Variants in CARMIL1 observed in about 807,000 individuals in gnomAD.
The protein encoded by CARMIL1 is F-actin-uncapping protein LRRC16A.
Under a neutral mutation model 177.1 loss-of-function variants are expected in CARMIL1, and 90 were observed. That is an observed-to-expected ratio of 0.51 (90% CI 0.43 to 0.61). The LOEUF (loss-of-function observed/expected upper bound fraction) is 0.61. CARMIL1 is among the 20% of genes least tolerant of loss of function. The probability of loss-of-function intolerance (pLI) is 0.00; values close to 1 mark genes in which losing one functional copy is unlikely to be tolerated. For missense variants in CARMIL1, 1,380 were observed against 1,667.0 expected (o/e 0.83, Z 3.00); for synonymous variants, 577 against 606.2 (o/e 0.95, Z 0.71).
At chr6:25,466,867 A>G (rs1026246221) in intron 9 of CARMIL1, among the ~76,000 whole-genome samples, 2 of 152,168 alleles carry the variant, frequency 1.3e-5, no homozygotes, top group Non-Finnish European at 2.9e-5. Flanking sequence ...AGGAAAATGC[A>G]TGAACTTGGA....
At chr6:25,400,513 A>G (rs1008257185) in intron 2 of CARMIL1, among the ~76,000 whole-genome samples, 1 of 152,202 alleles carries the variant, frequency 6.6e-6, no homozygotes, top group Non-Finnish European at 1.5e-5. Flanking sequence ...TCTATAGATG[A>G]GAAATAGATT....
chr6:25,500,266 T>C (rs1173718385), intron 17 of CARMIL1, 31 bp downstream of exon 17: 1 of 1,583,916 alleles, frequency 6.3e-7, no homozygotes, highest in East Asian at 2.2e-5. Flanking sequence ...TATACTGGAA[T>C]AGATAATAGC....
intron 11 of CARMIL1, among the ~76,000 whole-genome samples, chr6:25,480,876 A>G (rs1582097305): frequency 6.7e-6 from 1 of 150,342 alleles, no homozygotes; most frequent in Non-Finnish European, 1.5e-5. Context: ...GCCCGCCACC[A>G]CGCCCGGCTA....
intron 5 of CARMIL1, among the ~76,000 whole-genome samples, chr6:25,439,176 G>A (rs1462130862): frequency 1.3e-5 from 2 of 150,416 alleles, no homozygotes; most frequent in African/African-American, 4.9e-5. Flanking sequence ...TGGGGGACAA[G>A]TATTTTCTGG....
At chr6:25,581,104 G>C in intron 30 of CARMIL1, 114 bp downstream of exon 30, 1 of 1,290,686 alleles carries the variant, frequency 7.7e-7, no homozygotes, top group South Asian at 1.3e-5. Context: ...TAAATATTGA[G>C]AAAGAGTTCA....
At chr6:25,500,004 G>A (rs1804144608) in intron 16 of CARMIL1, among the ~76,000 whole-genome samples, 162 bp from the exon 17 acceptor site, 2 of 152,240 alleles carry the variant, frequency 1.3e-5, no homozygotes, top group African/African-American at 4.8e-5. Context: ...TTGTGAGGCA[G>A]AAATGCTGTT....
At chr6:25,573,815 A>G (rs1812333690) in intron 29 of CARMIL1, among the ~76,000 whole-genome samples, 1 of 152,102 alleles carries the variant, frequency 6.6e-6, no homozygotes, top group South Asian at 2.1e-4. Flanking sequence ...TAAGGTTAAT[A>G]TTAATTTTTT....
chr6:25,352,435 C>T (rs1006960012), intron 2 of CARMIL1, among the ~76,000 whole-genome samples: 6 of 151,654 alleles, frequency 4.0e-5, no homozygotes, highest in Admixed American at 3.3e-4. Context: ...CTCAGGGGAA[C>T]GTCTGTGTAA....
In CARMIL1 at chr6:25,619,632, C is replaced by T; in HGVS notation, c.*49C>T. The T allele has an allele frequency of 1.3e-6, 2 of 1,542,220 alleles. No homozygotes were observed. Among genetic ancestry groups the T allele is most frequent in the Non-Finnish European group, 1.7e-6 (2 of 1,143,620 alleles). On this transcript the variant is annotated 3_prime_UTR_variant, in exon 37 of 37. Transcript: ENST00000329474. ...CTGTGCAGGGTGCTTTGGTAGCCATCAGAGAGGAACCAAGGGCAACATCTT... is the reference window on the plus strand; with the variant it reads ...CTGTGCAGGGTGCTTTGGTAGCCATTAGAGAGGAACCAAGGGCAACATCTT...
At chr6:25,564,171 A>G (rs559167751) in intron 29 of CARMIL1, among the ~76,000 whole-genome samples, 33 of 152,330 alleles carry the variant, frequency 2.2e-4, no homozygotes, top group Admixed American at 5.2e-4. Flanking sequence ...AGAAACTTTC[A>G]TCTATAATAA....
chr6:25,603,444 C>T (rs1028825454), intron 33 of CARMIL1, among the ~76,000 whole-genome samples: 19 of 152,202 alleles, frequency 1.2e-4, no homozygotes, highest in African/African-American at 4.6e-4. Context: ...CACTTGGGTG[C>T]TTCCTTCTGA....
chr6:25,387,114 C>CAAAAAAAAAAAA lies in CARMIL1; in HGVS notation c.139-32992_139-32981dup, dbSNP rs377548646. On this transcript the variant is annotated intron_variant, in intron 2 of 36. Coordinates refer to ENST00000329474, the MANE Select transcript of CARMIL1 (RefSeq NM_017640.6). The stretch of plus-strand genomic sequence containing the variant: ...GGGTGACAGAGTGAGACTCTGTCTC[C>CAAAAAAAAAAAA]AAAAAAAAAAAAAAAAAAATCACAA... Among the ~76,000 whole-genome samples the CAAAAAAAAAAAA allele has an allele frequency of 4.2e-3, 427 of 101,866 alleles. 28 individuals are homozygous for CAAAAAAAAAAAA. Among genetic ancestry groups the CAAAAAAAAAAAA allele is most frequent in the African/African-American group, 0.017 (391 of 22,454 alleles). 66.8% of individuals were successfully genotyped at this position (101,866 alleles called of 152,430 possible). A position where few individuals can be genotyped will look rare whatever the true frequency, so the allele number is the denominator to read the frequency against.
intron 10 of CARMIL1, among the ~76,000 whole-genome samples, chr6:25,471,599 T>C (rs963622887): frequency 3.3e-5 from 5 of 152,234 alleles, no homozygotes; most frequent in Non-Finnish European, 7.3e-5. Flanking sequence ...TAATAATGCC[T>C]ATTTTATAGA....
intron 34 of CARMIL1, among the ~76,000 whole-genome samples, chr6:25,605,284 T>C (rs7740510): frequency 0.28 from 42,954 of 152,102 alleles, 6,366 homozygotes; most frequent in East Asian, 0.53. Flanking sequence ...TTGTTTGGTA[T>C]GAACAATATG....
intron 29 of CARMIL1, among the ~76,000 whole-genome samples, chr6:25,579,551 G>A (rs1013401947): frequency 6.6e-6 from 1 of 152,186 alleles, no homozygotes; most frequent in South Asian, 2.1e-4. Flanking sequence ...ACTTTGGGGA[G>A]AACTGCCTTA....
intron 31 of CARMIL1, among the ~76,000 whole-genome samples, chr6:25,593,573 C>T (rs1814529969): frequency 6.6e-6 from 1 of 152,154 alleles, no homozygotes; most frequent in African/African-American, 2.4e-5. Context: ...AACAAAAAAT[C>T]CAGAAGCCTC....
chr6:25,374,315 C>T (rs1267081911), intron 2 of CARMIL1, among the ~76,000 whole-genome samples: 1 of 152,034 alleles, frequency 6.6e-6, no homozygotes, highest in Non-Finnish European at 1.5e-5. Flanking sequence ...AGGTTAATTT[C>T]TATGTATTTG....
intron 2 of CARMIL1, among the ~76,000 whole-genome samples, chr6:25,417,769 C>T (rs141726551): frequency 6.6e-5 from 10 of 152,264 alleles, no homozygotes; most frequent in Admixed American, 2.0e-4. Context: ...CTTTTATAAA[C>T]GATTTCTGCT....
At chr6:25,431,750 C>T (rs1041755649) in intron 4 of CARMIL1, among the ~76,000 whole-genome samples, 2 of 152,122 alleles carry the variant, frequency 1.3e-5, no homozygotes, top group Non-Finnish European at 2.9e-5. Context: ...CACTTGTAGT[C>T]TTGCCCCTTT....
Sources: gnomAD v4.1 joint callset for allele counts (sites outside exome capture counted in the v4.1 genomes callset) on GRCh38, gnomAD v4.1.1 for gene constraint, MANE v1.5 for transcripts, NCBI Gene and HGNC (gene_info 2026-07-23, HGNC 2026-07-21) for gene names.